DAB1: variants seen among roughly 807,000 people sequenced by gnomAD.
The protein encoded by DAB1 is disabled homolog 1.
DAB1 carries 15 observed loss-of-function variants against 64.6 expected under a neutral mutation model. The ratio of observed to expected loss-of-function variants is 0.23; its 90% CI spans 0.16 to 0.36. DAB1 has a LOEUF of 0.36. DAB1 is among the 10% of genes least tolerant of loss of function. DAB1 has a pLI of 1.00. For synonymous variants in DAB1, 235 were observed against 251.9 expected (o/e 0.93, Z 0.64); for missense variants, 596 against 706.7 (o/e 0.84, Z 1.78).
At chr1:57,700,581 T>C (rs771577009) in intron 6 of DAB1, among the ~76,000 whole-genome samples, 8 of 152,238 alleles carry the variant, frequency 5.3e-5, no homozygotes, top group Non-Finnish European at 7.3e-5. Flanking sequence ...CCCCTTTATA[T>C]GTTGTTTCTC....
At chr1:58,077,659 C>T (rs1199079147) in intron 5 of DAB1, among the ~76,000 whole-genome samples, 2 of 152,184 alleles carry the variant, frequency 1.3e-5, no homozygotes, top group Admixed American at 6.5e-5. Context: ...TCAATGGGTG[C>T]CCCAGCAGCT....
At chr1:57,863,133 A>G (rs1654140258) in intron 1 of DAB1, 1 of 152,200 alleles carries the variant, frequency 6.6e-6, no homozygotes, top group Admixed American at 6.5e-5. Flanking sequence ...ATATGGATGT[A>G]AATTATAATG....
At chr1:57,594,805 G>C (rs1570657417) in intron 7 of DAB1, among the ~76,000 whole-genome samples, 1 of 152,110 alleles carries the variant, frequency 6.6e-6, no homozygotes, top group Non-Finnish European at 1.5e-5. Context: ...CCGCCTCCCG[G>C]GTTCACGCCA....
At chr1:57,540,646 T>TCCTGTCATTTGCAC (rs1558475348) in intron 7 of DAB1, among the ~76,000 whole-genome samples, 1 of 152,192 alleles carries the variant, frequency 6.6e-6, no homozygotes, top group African/African-American at 2.4e-5. Context: ...GTCATTTGCA[T>TCCTGTCATTTGCAC]ATCCTGTCAT....
chr1:57,135,597 T>C (rs903104569), intron 4 of DAB1, among the ~76,000 whole-genome samples: 3 of 152,230 alleles, frequency 2.0e-5, no homozygotes, highest in Non-Finnish European at 1.5e-5. Context: ...TTACTAGTTA[T>C]TTAGGAGTAA....
At chr1:58,421,455 G>C (rs1644771197) in intron 3 of DAB1, among the ~76,000 whole-genome samples, 1 of 152,152 alleles carries the variant, frequency 6.6e-6, no homozygotes, top group Non-Finnish European at 1.5e-5. Context: ...AAAATGGACT[G>C]GCAGAAAAAA....
intron 7 of DAB1, among the ~76,000 whole-genome samples, chr1:57,458,179 ATTC>A (rs1453326579): frequency 2.6e-5 from 4 of 152,124 alleles, no homozygotes; most frequent in African/African-American, 9.7e-5. Context: ...TACTATATAT[ATTC>A]TTTTGTAATT....
intron 7 of DAB1, among the ~76,000 whole-genome samples, chr1:57,436,010 G>A (rs1178157265): frequency 6.7e-5 from 10 of 148,386 alleles, no homozygotes; most frequent in South Asian, 2.2e-4. Flanking sequence ...TCTGCCTCCC[G>A]GGTTCAAGCA....
chr1:58,061,989 A>C (rs1648529573), intron 5 of DAB1, among the ~76,000 whole-genome samples: 1 of 152,198 alleles, frequency 6.6e-6, no homozygotes, highest in South Asian at 2.1e-4. Context: ...CATTTAACCT[A>C]ACCTCCATTT....
Position 58,128,396 on chromosome 1 carries a change from C to A in DAB1, n.387+22115G>T, listed in dbSNP as rs535200878. 1.4e-4 allele frequency among the ~76,000 whole-genome samples: 20 copies of A among 140,912 alleles called. No individual in the cohort carries two copies. In the South Asian group the frequency reaches 4.9e-3, roughly 35 times the overall value. The allele number at this position is 140,912 out of a possible 152,430, so 92.4% of individuals were successfully genotyped here. ...GGGTTTTCTAGATATACAATCATGT[C>A]GTCTGCAAACAGGGACAATTTGACT... On this transcript the variant is annotated intron_variant and non_coding_transcript_variant, in intron 5 of 20. Transcript: ENST00000485760.
intron 3 of DAB1, among the ~76,000 whole-genome samples, chr1:58,497,242 G>T (rs1394129220): frequency 6.6e-6 from 1 of 152,082 alleles, no homozygotes. Flanking sequence ...CAAAAGGGAG[G>T]GGGGTACTGT....
At chr1:57,065,329 T>A (rs1160489378) in intron 8 of DAB1, among the ~76,000 whole-genome samples, 1 of 152,140 alleles carries the variant, frequency 6.6e-6, no homozygotes, top group Non-Finnish European at 1.5e-5. Flanking sequence ...GTGTCATGCA[T>A]CACGCGTTCC....
At chr1:57,383,886 CA>C (rs1168764447) in intron 1 of DAB1, among the ~76,000 whole-genome samples, 4 of 151,954 alleles carry the variant, frequency 2.6e-5, no homozygotes, top group African/African-American at 7.3e-5. Context: ...GCACAAACAA[CA>C]AAAGTAAAAA....
At chr1:57,215,037 G>T (rs1317771252) in intron 2 of DAB1, among the ~76,000 whole-genome samples, 5 of 151,990 alleles carry the variant, frequency 3.3e-5, no homozygotes, top group Non-Finnish European at 7.4e-5. Flanking sequence ...TCCAGACTGG[G>T]AGACAATGAA....
At chr1:58,393,120 CTTTTT>C (rs34546253) in intron 3 of DAB1, among the ~76,000 whole-genome samples, 1,419 of 117,136 alleles carry the variant, frequency 0.012, 13 homozygotes, top group Middle Eastern at 0.033. Flanking sequence ...ACTTCCAAAT[CTTTTT>C]TTTTTTTTTT....
intron 3 of DAB1, among the ~76,000 whole-genome samples, chr1:58,374,486 T>A (rs900565038): frequency 6.6e-6 from 1 of 151,822 alleles, no homozygotes. Context: ...GATCACATAG[T>A]TGTAGGTAAG....
At chr1:58,015,592 T>C (rs1289314363) in intron 5 of DAB1, among the ~76,000 whole-genome samples, 4 of 152,170 alleles carry the variant, frequency 2.6e-5, no homozygotes, top group African/African-American at 9.7e-5. Flanking sequence ...ATGGAGAATG[T>C]GTTGGTCATG....
At chr1:58,490,560 G>C (rs1001590416) in intron 3 of DAB1, among the ~76,000 whole-genome samples, 28 of 152,178 alleles carry the variant, frequency 1.8e-4, no homozygotes, top group Admixed American at 9.2e-4. Context: ...TAGCAAGGCA[G>C]GCCAACATTC....
At chr1:58,289,610 G>A (rs1661768171) in intron 4 of DAB1, among the ~76,000 whole-genome samples, 1 of 152,160 alleles carries the variant, frequency 6.6e-6, no homozygotes, top group Non-Finnish European at 1.5e-5. Flanking sequence ...AATTTGAAAG[G>A]CAATTAATTT....
Sources: gnomAD v4.1 joint callset for allele counts (sites outside exome capture counted in the v4.1 genomes callset) on GRCh38, gnomAD v4.1.1 for gene constraint, MANE v1.5 for transcripts, NCBI Gene and HGNC (gene_info 2026-07-23, HGNC 2026-07-21) for gene names.